TRPM3: variants seen among roughly 807,000 people sequenced by gnomAD.
TRPM3 encodes the protein long transient receptor potential channel 3.
TRPM3 carries 77 observed loss-of-function variants against 181.2 expected under a neutral mutation model. The observed-to-expected ratio is 0.42, with a 90% CI of 0.35 to 0.51. The LOEUF (loss-of-function observed/expected upper bound fraction) is 0.51. TRPM3 is among the 20% of genes least tolerant of loss of function. TRPM3 has a pLI of 0.01. For synonymous variants in TRPM3, 745 were observed against 796.4 expected (o/e 0.94, Z 1.09); for missense variants, 1,759 against 2,196.7 (o/e 0.80, Z 3.98).
intron 22 of TRPM3, among the ~76,000 whole-genome samples, chr9:70,559,654 A>G (rs1378772391): frequency 6.6e-6 from 1 of 152,158 alleles, no homozygotes; most frequent in East Asian, 1.9e-4. Flanking sequence ...AAAGCACACC[A>G]ACCAACTGAA....
intron 1 of TRPM3, among the ~76,000 whole-genome samples, chr9:71,223,785 G>A (rs2080395810): frequency 6.6e-6 from 1 of 152,180 alleles, no homozygotes; most frequent in Non-Finnish European, 1.5e-5. Flanking sequence ...GTTGGACATG[G>A]GGAGAGACTC....
At chr9:70,578,091 G>A (rs1282166148) in intron 22 of TRPM3, among the ~76,000 whole-genome samples, 7 of 152,168 alleles carry the variant, frequency 4.6e-5, no homozygotes, top group Admixed American at 3.9e-4. Context: ...TGGCCCCAGT[G>A]AATGTTTAAA....
In TRPM3 at chr9:70,802,689, G is replaced by A. The variant is rs114999530; in HGVS notation, c.974-18410C>T. ...TATAGAGGCAAAGAGTGGGAGACAT[G>A]CACCATTCTTGCAATTCAGTCCCTA... is the stretch of plus-strand genomic sequence containing the variant. On this transcript the variant is annotated intron_variant, in intron 6 of 25. Coordinates refer to ENST00000677713, the MANE Select transcript of TRPM3 (RefSeq NM_001366145.2). Among the ~76,000 whole-genome samples, 243 of 152,244 alleles carry A rather than the reference G, an allele frequency of 1.6e-3. 1 individual carries two copies. Among genetic ancestry groups the A allele is most frequent in the African/African-American group, 5.7e-3 (237 of 41,538 alleles).
Position 71,401,927 on chromosome 9 carries a change from T to C in TRPM3, c.183+44726A>G, listed in dbSNP as rs556668169. Among the ~76,000 whole-genome samples, 67 of 152,296 alleles carry C rather than the reference T, an allele frequency of 4.4e-4. 1 individual carries two copies. The highest frequency in any genetic ancestry group is 1.6e-3 in the African/African-American group (67 of 41,560). Reference sequence around the variant, plus strand: ...AATTCTAAAAGTTCATATTATCCCCTCAAATCACTCTCATGAGTTACTGGG... The same window carrying C: ...AATTCTAAAAGTTCATATTATCCCCCCAAATCACTCTCATGAGTTACTGGG... On this transcript the variant is annotated intron_variant, in intron 1 of 24. Coordinates refer to the TRPM3 transcript ENST00000357533.
intron 1 of TRPM3, among the ~76,000 whole-genome samples, chr9:71,163,717 A>C (rs1407023052): frequency 6.6e-6 from 1 of 152,150 alleles, no homozygotes; most frequent in Non-Finnish European, 1.5e-5. Context: ...CCAGAAGATC[A>C]AAGACTGAGT....
intron 1 of TRPM3, among the ~76,000 whole-genome samples, chr9:70,982,455 C>T (rs1564898977): frequency 6.6e-6 from 1 of 152,142 alleles, no homozygotes; most frequent in Non-Finnish European, 1.5e-5. Flanking sequence ...AATAGCTGTT[C>T]CTTCTATTAT....
chr9:71,306,921 C>T (rs1044132795), intron 1 of TRPM3, among the ~76,000 whole-genome samples: 8 of 152,198 alleles, frequency 5.3e-5, no homozygotes, highest in African/African-American at 1.9e-4. Flanking sequence ...AAGGATAACT[C>T]CATATTGTTC....
At chr9:70,750,965 G>A (rs968454710) in intron 8 of TRPM3, among the ~76,000 whole-genome samples, 1 of 143,462 alleles carries the variant, frequency 7.0e-6, no homozygotes, top group African/African-American at 2.7e-5. Flanking sequence ...AACAGGAGAT[G>A]TATGATATTA....
chr9:70,630,928 A>C (rs965851973), intron 12 of TRPM3, among the ~76,000 whole-genome samples: 2 of 150,380 alleles, frequency 1.3e-5, no homozygotes, highest in Non-Finnish European at 3.0e-5. Flanking sequence ...TCTGCTCTTC[A>C]AAATGGTTGG....
intron 1 of TRPM3, among the ~76,000 whole-genome samples, chr9:71,055,078 GTAT>G: frequency 1.3e-5 from 2 of 152,170 alleles, no homozygotes; most frequent in East Asian, 3.9e-4. Context: ...AGGAAGTGAG[GTAT>G]TATTAAGTCA....
chr9:71,293,310 A>G (rs918262425), intron 1 of TRPM3, among the ~76,000 whole-genome samples: 1 of 151,898 alleles, frequency 6.6e-6, no homozygotes, highest in Non-Finnish European at 1.5e-5. Context: ...TCTAGATAAA[A>G]GATAACACAT....
intron 7 of TRPM3, among the ~76,000 whole-genome samples, chr9:70,771,875 G>A (rs1393615931): frequency 6.6e-6 from 1 of 152,218 alleles, no homozygotes; most frequent in South Asian, 2.1e-4. Flanking sequence ...TATGGATTGT[G>A]TTTATTACTT....
rs2041926714 is a variant in TRPM3, at chr9:70,536,971, C to G, written c.4142G>C (p.Ser1381Thr). Residue 1381 changes from serine to threonine, a missense_variant, in exon 26 of 26, where the codon AGT (serine) becomes ACT (threonine). Around this residue, in one of 8 missense-constraint regions of TRPM3, gnomAD observed 612 missense variants for 590.0 expected, o/e 1.04. Transcript: ENST00000677713. ...GGGTTCTTTTGCTACAGAGTGGGAA[C>G]TAGTAGCCCGGTGTAGGCTCAGGGA... ...ERSLSLHRATSSHSVAKEPKA... is the reference protein window; with the variant it reads ...ERSLSLHRATTSHSVAKEPKA... 3.1e-6 allele frequency: 5 copies of G among 1,613,534 alleles called. No homozygotes were observed. The highest frequency in any genetic ancestry group is 1.1e-5 in the South Asian group (1 of 91,070).
intron 1 of TRPM3, among the ~76,000 whole-genome samples, chr9:71,073,971 ATTTT>A (rs1197853078): frequency 6.6e-6 from 1 of 152,066 alleles, no homozygotes. Context: ...TCATTGCTGG[ATTTT>A]TTTCTGTATA....
intron 1 of TRPM3, among the ~76,000 whole-genome samples, chr9:71,148,636 G>C (rs532025216): frequency 1.9e-4 from 29 of 152,126 alleles, no homozygotes; most frequent in African/African-American, 7.0e-4. Flanking sequence ...TTTATACCCA[G>C]CCAAGTGATC....
At chr9:71,214,026 A>G (rs1164108471) in intron 1 of TRPM3, among the ~76,000 whole-genome samples, 3 of 152,198 alleles carry the variant, frequency 2.0e-5, no homozygotes, top group Non-Finnish European at 4.4e-5. Flanking sequence ...GTATCAAAGC[A>G]AAGTCATTTT....
At position 70,748,676 on chromosome 9, in the gene TRPM3, C is replaced by A. The variant is rs189239966; in HGVS notation, c.1272+12925G>T. Among the ~76,000 whole-genome samples, 10 of 152,190 alleles carry A rather than the reference C, an allele frequency of 6.6e-5. No homozygotes were observed. The East Asian group carries it at 1.2e-3, about 18-fold the overall frequency. ...CACATGAAGATGCAGCAAGAATGTA[C>A]CATTTACGAGAAAGTGGGCCCTAAC... is the stretch of plus-strand genomic sequence containing the variant. On this transcript the variant is annotated intron_variant, in intron 8 of 25. Transcript: ENST00000677713.
chr9:71,059,813 A>C (rs1171566114), intron 1 of TRPM3, among the ~76,000 whole-genome samples: 2 of 152,072 alleles, frequency 1.3e-5, no homozygotes, highest in Non-Finnish European at 2.9e-5. Flanking sequence ...TTAACAAATT[A>C]TACGAGCCAA....
At chr9:71,135,614 A>G (rs2074715853) in intron 1 of TRPM3, among the ~76,000 whole-genome samples, 1 of 152,204 alleles carries the variant, frequency 6.6e-6, no homozygotes, top group Non-Finnish European at 1.5e-5. Flanking sequence ...AATAGAAAGC[A>G]AATATTACTT....
Sources: allele counts gnomAD v4.1 joint callset (sites outside exome capture counted in the v4.1 genomes callset), GRCh38; gene constraint gnomAD v4.1.1; regional missense constraint gnomAD v4.1.1; transcripts MANE v1.5; gene names NCBI Gene and HGNC (gene_info 2026-07-23, HGNC 2026-07-21).